The following C1QTNF9 variants were observed in gnomAD, a reference collection of about 807,000 sequenced individuals.
C1QTNF9 encodes complement C1q and tumor necrosis factor-related protein 9A.
A neutral mutation model predicts 10.1 loss-of-function variants in C1QTNF9; 6 were observed. The observed-to-expected ratio is 0.59, with a 90% CI of 0.32 to 1.17. The LOEUF (loss-of-function observed/expected upper bound fraction) is 1.17, where lower values mean the gene tolerates loss of function less well. Among genes scored for constraint, C1QTNF9 ranks in the 50% most tolerant of loss-of-function variants. The pLI is 0.04. For synonymous variants in C1QTNF9, 98 were observed against 163.5 expected (o/e 0.60, Z 3.06); for missense variants, 201 against 418.8 (o/e 0.48, Z 4.54).
intron 1 of C1QTNF9, among the ~76,000 whole-genome samples, chr13:24,312,393 A>G (rs1333381276): frequency 6.6e-6 from 1 of 152,074 alleles, no homozygotes; most frequent in Non-Finnish European, 1.5e-5. Flanking sequence ...GATTGCAGGG[A>G]AAGATGGGAG....
upstream of C1QTNF9, among the ~76,000 whole-genome samples, chr13:24,307,961 C>G (rs1464773418): frequency 1.3e-5 from 2 of 152,226 alleles, no homozygotes; most frequent in African/African-American, 2.4e-5. Flanking sequence ...ATTCCTGAGC[C>G]GGCTTCCCAC....
At chr13:24,308,629 G>A (rs1335772261), upstream of C1QTNF9, among the ~76,000 whole-genome samples, 2 of 152,184 alleles carry the variant, frequency 1.3e-5, no homozygotes, top group Non-Finnish European at 2.9e-5. Flanking sequence ...GCACCCACCC[G>A]TACACTCGGC....
At chr13:24,322,054 C>A (rs542914790) in exon 4 of C1QTNF9, 112 of 344,806 alleles carry the variant, frequency 3.2e-4, no homozygotes, top group African/African-American at 2.0e-3. Context: ...GTTTTAATAT[C>A]ATTTTAGTGC....
At chr13:24,315,782 C>A in intron 1 of C1QTNF9, 200 bp from the exon 2 acceptor site, 1 of 577,628 alleles carries the variant, frequency 1.7e-6, no homozygotes, top group Non-Finnish European at 3.0e-6. Context: ...GTTCCAATCA[C>A]AAGTGTTACC....
At chr13:24,315,668 A>G in intron 1 of C1QTNF9, 3 of 472,334 alleles carry the variant, frequency 6.4e-6, no homozygotes, top group Non-Finnish European at 1.1e-5. Flanking sequence ...GTAAGCATTG[A>G]TCTCTGGTTC....
exon 4 of C1QTNF9, chr13:24,322,099 G>T: frequency 4.2e-6 from 1 of 239,478 alleles, no homozygotes; most frequent in Non-Finnish European, 7.7e-6. Context: ...TCCCTCATCT[G>T]TGTTTCTGAG....
intron 2 of C1QTNF9, 144 bp downstream of exon 2, chr13:24,316,313 G>C: frequency 8.3e-7 from 1 of 1,206,292 alleles, no homozygotes. Context: ...ACTCACTGGA[G>C]CCTGACCCCA....
intron 3 of C1QTNF9, among the ~76,000 whole-genome samples, chr13:24,320,015 G>C (rs1878188142): frequency 6.6e-6 from 1 of 152,142 alleles, no homozygotes; most frequent in East Asian, 1.9e-4. Flanking sequence ...ATGGGTGGGG[G>C]TGCAAGGAAG....
At chr13:24,313,415 A>G (rs374065762) in intron 1 of C1QTNF9, among the ~76,000 whole-genome samples, 1 of 152,342 alleles carries the variant, frequency 6.6e-6, no homozygotes, top group South Asian at 2.1e-4. Flanking sequence ...CACATTTTGA[A>G]AAGTTAAAAT....
At chr13:24,312,762 C>A (rs1458848714) in intron 1 of C1QTNF9, among the ~76,000 whole-genome samples, 1 of 151,866 alleles carries the variant, frequency 6.6e-6, no homozygotes, top group Non-Finnish European at 1.5e-5. Flanking sequence ...CGAGACCATC[C>A]TGGCTAACAT....
At chr13:24,316,964 A>G (rs1878062805) in intron 2 of C1QTNF9, among the ~76,000 whole-genome samples, 1 of 152,186 alleles carries the variant, frequency 6.6e-6, no homozygotes, top group Non-Finnish European at 1.5e-5. Flanking sequence ...CAAAACTTCT[A>G]TGGACCTTTT....
At chr13:24,311,660 A>G (rs1446867218) in intron 1 of C1QTNF9, among the ~76,000 whole-genome samples, 3 of 152,244 alleles carry the variant, frequency 2.0e-5, no homozygotes, top group African/African-American at 7.2e-5. Context: ...TGGGCAGCGC[A>G]TGCCTTGAAT....
chr13:24,309,283 T>TATATATATATATATATATATATATATA (rs1566212534), upstream of C1QTNF9, among the ~76,000 whole-genome samples: 2 of 68,292 alleles, frequency 2.9e-5, no homozygotes, highest in South Asian at 4.1e-4. Context: ...ACTTAAAGTA[T>TATATATATATATATATATATATATATA]TATATATATA....
intron 3 of C1QTNF9, 59 bp downstream of exon 3, chr13:24,318,939 A>G: frequency 1.3e-6 from 2 of 1,596,684 alleles, no homozygotes; most frequent in Non-Finnish European, 1.7e-6. Flanking sequence ...TAACAATATT[A>G]CCATGGACAA....
chr13:24,315,111 C>T (rs958944048), intron 1 of C1QTNF9, among the ~76,000 whole-genome samples: 1 of 152,134 alleles, frequency 6.6e-6, no homozygotes, highest in Non-Finnish European at 1.5e-5. Flanking sequence ...GCATTATGTA[C>T]GTTCTCTTTG....
intron 1 of C1QTNF9, among the ~76,000 whole-genome samples, chr13:24,311,256 T>A (rs9553237): frequency 6.6e-6 from 1 of 152,224 alleles, no homozygotes; most frequent in Admixed American, 6.5e-5. Flanking sequence ...TGGGTGACCA[T>A]TTATCAAGAG....
At chr13:24,318,404 TCTC>T (rs1878120758) in intron 2 of C1QTNF9, among the ~76,000 whole-genome samples, 2 of 152,134 alleles carry the variant, frequency 1.3e-5, no homozygotes, top group Non-Finnish European at 2.9e-5. Flanking sequence ...TCCGTTCCAC[TCTC>T]CTCAAGAGTA....
chr13:24,319,293 C>A (rs542392187), intron 3 of C1QTNF9, among the ~76,000 whole-genome samples: 1 of 152,192 alleles, frequency 6.6e-6, no homozygotes, highest in Non-Finnish European at 1.5e-5. Flanking sequence ...AATCCCAACA[C>A]TTTGGGAGGC....
intron 3 of C1QTNF9, 79 bp downstream of exon 3, chr13:24,318,959 G>C: frequency 6.4e-7 from 1 of 1,571,260 alleles, no homozygotes; most frequent in Middle Eastern, 1.7e-4. Context: ...AGTCCTCCAT[G>C]CTGATTATAA....
Sources: gnomAD v4.1 joint callset for allele counts (sites outside exome capture counted in the v4.1 genomes callset) on GRCh38, gnomAD v4.1.1 for gene constraint, MANE v1.5 for transcripts, NCBI Gene and HGNC (gene_info 2026-07-23, HGNC 2026-07-21) for gene names.